The following CKAP5 variants were observed in gnomAD, a reference collection of about 807,000 sequenced individuals.
The protein encoded by CKAP5 is cytoskeleton-associated protein 5.
A neutral mutation model predicts 232.8 loss-of-function variants in CKAP5; 27 were observed. The ratio of observed to expected loss-of-function variants is 0.12; its 90% CI spans 0.09 to 0.16. The LOEUF (loss-of-function observed/expected upper bound fraction) is 0.16, where lower values mean the gene tolerates loss of function less well. Among genes scored for constraint, CKAP5 ranks in the 10% least tolerant of loss-of-function variants. The pLI is 1.00. For missense variants in CKAP5, 1,838 were observed against 2,424.7 expected (o/e 0.76, Z 5.08); for synonymous variants, 785 against 841.1 (o/e 0.93, Z 1.16).
At chr11:46,776,063 T>C (rs1041283316) in intron 24 of CKAP5, among the ~76,000 whole-genome samples, 192 bp downstream of exon 24, 2 of 152,202 alleles carry the variant, frequency 1.3e-5, no homozygotes, top group African/African-American at 4.8e-5. Context: ...AAAAGCGTTA[T>C]TGATAAAGAA....
At position 46,762,616 on chromosome 11, in the gene CKAP5, G is replaced by A; in HGVS notation, c.4027+11C>T. 6.2e-7 allele frequency: 1 copy of A among 1,613,786 alleles called. No homozygotes were observed. Among genetic ancestry groups the A allele is most frequent in the Non-Finnish European group, 8.5e-7 (1 of 1,179,806 alleles). On this transcript the variant is annotated intron_variant, in intron 31 of 43. Transcript: ENST00000529230. ...AGAGATTCACATCTCAGTTTAAACT[G>A]TTTGCTTCACCTGCTCTCTGCTTAG...
At chr11:46,821,421 CTTT>C (rs369366613) in intron 1 of CKAP5, among the ~76,000 whole-genome samples, 153 bp from the exon 2 acceptor site, 11 of 105,188 alleles carry the variant, frequency 1.0e-4, no homozygotes, top group Admixed American at 3.9e-4. Context: ...ATTAACAGGA[CTTT>C]TTTTTTTTTT....
In CKAP5 at chr11:46,794,015, A is replaced by G. The variant is rs544699349; in HGVS notation, c.1650+1579T>C. Among the ~76,000 whole-genome samples, 17 of 152,330 alleles carry G rather than the reference A, an allele frequency of 1.1e-4. No homozygotes were observed. In the South Asian group the frequency reaches 3.3e-3, roughly 30 times the overall value. ...ACCAAGGCGGTTTAATGGGGAAAGG[A>G]CAGTCTATTCAACAAATGGTGCTGG... On this transcript the variant is annotated intron_variant, in intron 13 of 43. Coordinates refer to ENST00000529230, the MANE Select transcript of CKAP5 (RefSeq NM_001008938.4).
At chr11:46,818,256 T>C in intron 3 of CKAP5, 54 bp downstream of exon 3, 2 of 1,371,890 alleles carry the variant, frequency 1.5e-6, no homozygotes, top group Non-Finnish European at 2.0e-6. Context: ...AAACATACAT[T>C]ATGTAACACC....
At chr11:46,807,504 T>C (rs927310197) in intron 8 of CKAP5, among the ~76,000 whole-genome samples, 8 of 152,210 alleles carry the variant, frequency 5.3e-5, no homozygotes, top group Admixed American at 4.6e-4. Context: ...TACTTACAGT[T>C]TTCATAAAAA....
intron 4 of CKAP5, among the ~76,000 whole-genome samples, chr11:46,815,348 ATATT>A (rs1284444341): frequency 6.6e-6 from 1 of 151,452 alleles, no homozygotes; most frequent in Non-Finnish European, 1.5e-5. Flanking sequence ...GAGCCTGGCC[ATATT>A]TATTTATTTT....
chr11:46,773,794 C>T (rs772059828), intron 24 of CKAP5, among the ~76,000 whole-genome samples: 4 of 148,200 alleles, frequency 2.7e-5, no homozygotes, highest in East Asian at 2.0e-4. Context: ...TCTGCTTGCT[C>T]GGCCTCCCAA....
Position 46,778,202 on chromosome 11 carries a change from T to A in CKAP5, c.2685A>T (p.Gln895His). The change falls in exon 22 of 44, where the codon CAA becomes CAT. Residue 895 changes from glutamine (Q) to histidine (H), a missense_variant. By Grantham distance (24) the Gln-to-His change is conservative. Transcript: ENST00000529230. ...AGIINDAKFI[Q>H]PNIGELPTAL... Reference sequence around the variant, plus strand: ...CAGTTGGAAGTTCACCTATATTCGGTTGGATAAATTTTGCGTCATTAATAA... The same window carrying A: ...CAGTTGGAAGTTCACCTATATTCGGATGGATAAATTTTGCGTCATTAATAA... The A allele has an allele frequency of 6.2e-7, 1 of 1,614,104 alleles. No individual in the cohort carries two copies.
chr11:46,808,211 C>T, intron 7 of CKAP5, 67 bp from the exon 8 acceptor site: 2 of 1,020,124 alleles, frequency 2.0e-6, no homozygotes, highest in Non-Finnish European at 3.0e-6. Flanking sequence ...CTATTTATTG[C>T]ACTCTGCTAA....
At chr11:46,756,809 G>A (rs929042616) in intron 35 of CKAP5, among the ~76,000 whole-genome samples, 1 of 148,990 alleles carries the variant, frequency 6.7e-6, no homozygotes, top group Non-Finnish European at 1.5e-5. Flanking sequence ...AGGCTGGAGT[G>A]CAATGGCACA....
chr11:46,778,406 A>C, intron 21 of CKAP5, 54 bp downstream of exon 21: 3 of 1,607,406 alleles, frequency 1.9e-6, no homozygotes, highest in Non-Finnish European at 2.6e-6. Flanking sequence ...AGAAGACAAC[A>C]TTCTGAATTC....
chr11:46,832,444 G>C (rs1411053407), intron 1 of CKAP5, among the ~76,000 whole-genome samples: 1 of 152,176 alleles, frequency 6.6e-6, no homozygotes, highest in Non-Finnish European at 1.5e-5. Context: ...CTCTACTCTA[G>C]ATTAAATTTA....
chr11:46,799,835 C>T (rs1182154191), intron 9 of CKAP5, among the ~76,000 whole-genome samples: 1 of 151,970 alleles, frequency 6.6e-6, no homozygotes. Context: ...CCCATCTCTA[C>T]CAAAAATACA....
intron 18 of CKAP5, 83 bp from the exon 19 acceptor site, chr11:46,780,568 A>ACTGG (rs1387879511): frequency 1.8e-6 from 2 of 1,125,156 alleles, no homozygotes; most frequent in African/African-American, 3.1e-5. Context: ...AGACTCTAGG[A>ACTGG]CTGGCTCCCT....
rs1371187736 is a variant in CKAP5, at chr11:46,759,375, G to C, written c.4462C>G (p.Leu1488Val). 1 of 1,613,932 alleles carries C rather than the reference G, an allele frequency of 6.2e-7. No individual in the cohort carries two copies. The highest frequency in any genetic ancestry group is 8.5e-7 in the Non-Finnish European group (1 of 1,180,010). The change falls in exon 34 of 44, where the codon CTA (leucine) becomes GTA (valine). Residue 1488 changes from leucine to valine, a missense_variant. Physicochemically the swap from Leu to Val is conservative, Grantham distance 32. Around this residue, in one of 6 missense-constraint regions of CKAP5, gnomAD observed 579 missense variants for 843.2 expected, o/e 0.69. Transcript: ENST00000529230. The part of the protein sequence containing the change: ...QMVRREFQLD[L>V]DEIENDNGTV... Reference sequence around the variant, plus strand: ...CCATTGTCATTCTCAATCTCATCTAGATCCAGCTGGAATTCTCGGCGGACC... The same window carrying C: ...CCATTGTCATTCTCAATCTCATCTACATCCAGCTGGAATTCTCGGCGGACC...
intron 1 of CKAP5, among the ~76,000 whole-genome samples, chr11:46,845,782 C>T (rs1940174336): frequency 6.6e-6 from 1 of 152,224 alleles, no homozygotes; most frequent in African/African-American, 2.4e-5. Flanking sequence ...TGCTCCAGGG[C>T]GACAAGGCCC....
rs1365707395 is a variant in CKAP5 at position 46,752,172 on chromosome 11, A to C, written c.5133+463T>G. ...ACTGAAGACCAATTCATATATATATATATATATATATATATATATATACAC... is the reference window on the plus strand; with the variant it reads ...ACTGAAGACCAATTCATATATATATCTATATATATATATATATATATACAC... On this transcript the variant is annotated intron_variant, in intron 38 of 43. Coordinates refer to ENST00000529230, the MANE Select transcript of CKAP5 (RefSeq NM_001008938.4). Among the ~76,000 whole-genome samples, 15 of 36,504 alleles carry C rather than the reference A, an allele frequency of 4.1e-4. No homozygotes were observed. The South Asian group carries it at 9.0e-3, about 22-fold the overall frequency. The allele number at this position is 36,504 out of a possible 152,430, so 23.9% of individuals were successfully genotyped here.
At chr11:46,749,328 G>A (rs994044303) in intron 42 of CKAP5, among the ~76,000 whole-genome samples, 4 of 151,618 alleles carry the variant, frequency 2.6e-5, no homozygotes, top group South Asian at 2.1e-4. Flanking sequence ...GGTGGCACCC[G>A]CCTGTGGTTC....
chr11:46,785,998 A>T (rs1184598096), intron 16 of CKAP5, among the ~76,000 whole-genome samples: 1 of 152,164 alleles, frequency 6.6e-6, no homozygotes, highest in Non-Finnish European at 1.5e-5. Context: ...AAATTTAAAA[A>T]ATTAAAAAAA....
Sources: gnomAD v4.1 joint callset for allele counts (sites outside exome capture counted in the v4.1 genomes callset) on GRCh38, gnomAD v4.1.1 for gene constraint, gnomAD v4.1.1 regional missense constraint, MANE v1.5 for transcripts, NCBI Gene and HGNC (gene_info 2026-07-23, HGNC 2026-07-21) for gene names.